ME1: variants seen among roughly 807,000 people sequenced by gnomAD.
ME1 encodes the protein malic enzyme 1, also known as NADP-dependent malic enzyme.
ME1 carries 74 observed loss-of-function variants against 66.4 expected under a neutral mutation model. The observed-to-expected ratio is 1.11, with a 90% CI of 0.92 to 1.35. ME1 has a LOEUF of 1.35. ME1 is among the 40% of genes most tolerant of loss of function. ME1 has a pLI of 0.00. For synonymous variants in ME1, 251 were observed against 235.6 expected, an observed-to-expected ratio of 1.07 and a Z score of -0.60; for missense variants, 750 against 694.1, an observed-to-expected ratio of 1.08 and a Z score of -0.90.
At chr6:83,316,878 C>A (rs1002159905) in intron 5 of ME1, among the ~76,000 whole-genome samples, 5 of 151,690 alleles carry the variant, frequency 3.3e-5, no homozygotes, top group East Asian at 1.9e-4. Flanking sequence ...ATGTGTAAGA[C>A]CTGCACACTG....
chr6:83,368,287 T>C (rs1200848237), intron 3 of ME1, among the ~76,000 whole-genome samples: 2 of 151,598 alleles, frequency 1.3e-5, no homozygotes, highest in African/African-American at 4.9e-5. Flanking sequence ...GACACAAAGA[T>C]ACTAGATACA....
chr6:83,241,952 T>C (rs973837588), intron 7 of ME1, among the ~76,000 whole-genome samples: 1 of 152,146 alleles, frequency 6.6e-6, no homozygotes, highest in Admixed American at 6.6e-5. Flanking sequence ...AGCGTCCATC[T>C]CCCAGGTTCA....
chr6:83,340,325 G>C (rs1768554495), intron 5 of ME1, among the ~76,000 whole-genome samples: 1 of 152,084 alleles, frequency 6.6e-6, no homozygotes, highest in South Asian at 2.1e-4. Context: ...AGTGATAACG[G>C]GTGTCCTGTC....
At chr6:83,396,935 T>C (rs1413537576) in intron 3 of ME1, among the ~76,000 whole-genome samples, 1 of 152,012 alleles carries the variant, frequency 6.6e-6, no homozygotes, top group Non-Finnish European at 1.5e-5. Context: ...GTTTTCCAAA[T>C]GCCAGAAGAA....
chr6:83,351,378 G>T (rs547240630), intron 4 of ME1, among the ~76,000 whole-genome samples: 15 of 152,122 alleles, frequency 9.9e-5, no homozygotes, highest in Non-Finnish European at 1.5e-4. Flanking sequence ...CAACAGAAAA[G>T]AAAGAGGGAA....
In ME1 at chr6:83,227,364, A is replaced by G; in HGVS notation, c.1246T>C (p.Ser416Pro). 6.3e-7 allele frequency: 1 copy of G among 1,596,204 alleles called. No individual in the cohort carries two copies. The highest frequency in any genetic ancestry group is 1.1e-5 in the South Asian group (1 of 88,252). Residue 416 changes from serine to proline, a missense_variant, in exon 11 of 14, where the codon TCT (serine) becomes CCT (proline). Transcript: ENST00000369705. ...LSNPTSKAEC[S>P]AEQCYKITKG... is the part of the protein sequence containing the mutation. ...GTTATTTTGTAGCACTGCTCTGCAGAACATTCTGCTTTGCTAGTTGGATTA... is the reference window on the plus strand; with the variant it reads ...GTTATTTTGTAGCACTGCTCTGCAGGACATTCTGCTTTGCTAGTTGGATTA...
chr6:83,398,279 AAAT>A (rs935961379), intron 3 of ME1, 85 bp downstream of exon 3: 124 of 921,604 alleles, frequency 1.3e-4, no homozygotes, highest in Admixed American at 8.2e-4. Flanking sequence ...GTCAAATTTA[AAAT>A]AATAATAATA....
chr6:83,423,364 T>C (rs1425773530), intron 1 of ME1, among the ~76,000 whole-genome samples: 3 of 152,006 alleles, frequency 2.0e-5, no homozygotes, highest in Non-Finnish European at 4.4e-5. Flanking sequence ...GGACATTCTT[T>C]AAATGGAAGA....
At chr6:83,284,516 A>G (rs1471365885) in intron 6 of ME1, among the ~76,000 whole-genome samples, 1 of 152,158 alleles carries the variant, frequency 6.6e-6, no homozygotes, top group Non-Finnish European at 1.5e-5. Context: ...AGCAAACCAA[A>G]TCCAGCAGCA....
chr6:83,390,712 T>G (rs1187778022), intron 3 of ME1, among the ~76,000 whole-genome samples: 3 of 152,110 alleles, frequency 2.0e-5, no homozygotes, highest in African/African-American at 7.2e-5. Flanking sequence ...AAAGCATTCC[T>G]TACTTAAATT....
At chr6:83,241,321 G>T (rs192985765) in intron 7 of ME1, among the ~76,000 whole-genome samples, 1 of 152,038 alleles carries the variant, frequency 6.6e-6, no homozygotes, top group East Asian at 1.9e-4. Context: ...GATTTTAAGG[G>T]TTTCTATAAG....
chr6:83,299,355 C>A (rs1438691699), intron 6 of ME1, among the ~76,000 whole-genome samples: 2 of 151,988 alleles, frequency 1.3e-5, no homozygotes, highest in East Asian at 1.9e-4. Flanking sequence ...ATATTTTATT[C>A]TCTTTATAGC....
At chr6:83,392,103 G>A (rs552128177) in intron 3 of ME1, among the ~76,000 whole-genome samples, 1 of 152,236 alleles carries the variant, frequency 6.6e-6, no homozygotes, top group South Asian at 2.1e-4. Context: ...AATAATTGTT[G>A]CAGCTCTCTG....
At chr6:83,369,552 AGAGGTTGAGATTG>A (rs1231362006) in intron 3 of ME1, among the ~76,000 whole-genome samples, 1 of 151,930 alleles carries the variant, frequency 6.6e-6, no homozygotes, top group Non-Finnish European at 1.5e-5. Context: ...TAAGACCCAG[AGAGGTTGAGATTG>A]GAGTGAGCCA....
chr6:83,296,847 A>T (rs1359437700), intron 6 of ME1, among the ~76,000 whole-genome samples: 4 of 152,072 alleles, frequency 2.6e-5, no homozygotes, highest in Non-Finnish European at 4.4e-5. Context: ...ATGTACAAAA[A>T]TCACCTGTAT....
chr6:83,370,838 C>T (rs929269754), intron 3 of ME1, among the ~76,000 whole-genome samples: 1 of 151,992 alleles, frequency 6.6e-6, no homozygotes, highest in African/African-American at 2.4e-5. Flanking sequence ...GCAATGGGAT[C>T]CAAGAGCGGA....
intron 3 of ME1, among the ~76,000 whole-genome samples, chr6:83,372,758 A>C (rs924626584): frequency 6.6e-6 from 1 of 152,214 alleles, no homozygotes; most frequent in African/African-American, 2.4e-5. Flanking sequence ...GACAATGTAG[A>C]GTAGACCAGT....
intron 5 of ME1, among the ~76,000 whole-genome samples, chr6:83,339,829 G>A (rs1330016614): frequency 8.9e-6 from 1 of 112,314 alleles, no homozygotes; most frequent in Non-Finnish European, 1.8e-5. Context: ...GTGGGGTCGG[G>A]GGAGGGGGGA....
At chr6:83,360,756 T>C (rs970717147) in intron 3 of ME1, among the ~76,000 whole-genome samples, 7 of 152,360 alleles carry the variant, frequency 4.6e-5, no homozygotes, top group Admixed American at 3.3e-4. Flanking sequence ...ATTTGTCCTG[T>C]GCAGAAGACA....
Sources: gnomAD v4.1 joint callset for allele counts (sites outside exome capture counted in the v4.1 genomes callset) on GRCh38, gnomAD v4.1.1 for gene constraint, MANE v1.5 for transcripts, NCBI Gene and HGNC (gene_info 2026-07-23, HGNC 2026-07-21) for gene names.